BLACAT1: variants seen among roughly 807,000 people sequenced by gnomAD.
BLACAT1 encodes the protein BLACAT1 overlapping LEMD1 locus.
chr1:205,447,472 G>T (rs568098526), intron 1 of BLACAT1, among the ~76,000 whole-genome samples: 1 of 152,062 alleles, frequency 6.6e-6, no homozygotes, highest in Admixed American at 6.5e-5. Context: ...CTGGGGACTG[G>T]AACAGGGAGT....
rs990095940 is a variant in BLACAT1 at position 205,450,066 on chromosome 1, C to G, written c.-37+5851G>C. On this transcript the variant is annotated intron_variant, in intron 1 of 1. Transcript: ENST00000629624. This position sits in a 1 kb window ranked among gnomAD's most constrained non-coding sequence, Gnocchi z 4.4. ...GAGCTGTACCCAACTCAACTTGACT[C>G]ACTTGTGACCGGCCCCTCCCCCAGC... The G allele has an allele frequency of 6.6e-6, 1 of 152,120 alleles. No individual in the cohort carries two copies. Among genetic ancestry groups the G allele is most frequent in the African/African-American group, 2.4e-5 (1 of 41,372 alleles). The allele number at this position is 152,120 out of a possible 1,614,324, so 9.4% of individuals were successfully genotyped here. A position where few individuals can be genotyped will look rare whatever the true frequency, so the allele number is the denominator to read the frequency against.
In BLACAT1 at chr1:205,441,165, A is replaced by G. The variant is rs528481397; in HGVS notation, c.-36-103T>C. The stretch of plus-strand genomic sequence containing the variant: ...AGAACCCTCTGGGTCTGGCCCAGTC[A>G]TTGCCACTCCCTGAGGCGGCCCGCT... On this transcript the variant is annotated intron_variant, in intron 1 of 1. Coordinates refer to ENST00000629624, the Ensembl canonical transcript of BLACAT1. This position sits in a 1 kb window ranked among gnomAD's most constrained non-coding sequence, Gnocchi z 4.3. The G allele has an allele frequency of 6.6e-6, 1 of 152,306 alleles. No individual in the cohort carries two copies. Among genetic ancestry groups the G allele is most frequent in the Admixed American group, 6.5e-5 (1 of 15,302 alleles). The allele number at this position is 152,306 out of a possible 1,614,324, so 9.4% of individuals were successfully genotyped here. A position where few individuals can be genotyped will look rare whatever the true frequency, so the allele number is the denominator to read the frequency against.
At chr1:205,438,461 G>A (rs891449982), downstream of BLACAT1, among the ~76,000 whole-genome samples, 8 of 152,252 alleles carry the variant, frequency 5.3e-5, no homozygotes. Context: ...GAATGCTGGG[G>A]CTGCTTTGGC....
downstream of BLACAT1, chr1:205,435,246 G>A (rs990784642): frequency 1.3e-5 from 2 of 152,186 alleles, no homozygotes; most frequent in South Asian, 2.1e-4. Flanking sequence ...ACTACATAGG[G>A]GTATATAGGT....
rs1666446232 is a variant in BLACAT1 at position 205,448,740 on chromosome 1, A to G, written c.-37+7177T>C. Among the ~76,000 whole-genome samples, 1 of 152,038 alleles carries G rather than the reference A, an allele frequency of 6.6e-6. No individual in the cohort carries two copies. The highest frequency in any genetic ancestry group is 2.1e-4 in the South Asian group (1 of 4,824). On this transcript the variant is annotated intron_variant, in intron 1 of 1. Coordinates refer to ENST00000629624, the Ensembl canonical transcript of BLACAT1. The surrounding 1 kb of genome is among the most constrained non-coding windows in gnomAD (Gnocchi z 4.7). ...CTTAACTACCCCTTCCCTAGAGAAT[A>G]AGGCCGGATCTTTTCAAGGCTGCTG...
In BLACAT1 at chr1:205,448,309, G is replaced by A. The variant is rs918546475; in HGVS notation, c.-36-7247C>T. ...TGCAGCTGCGCAGGAGAAGGAGCTC[G>A]CCCCTCACTGTAGCCCATGGCTTTT... On this transcript the variant is annotated intron_variant, in intron 1 of 1. Coordinates refer to ENST00000629624, the Ensembl canonical transcript of BLACAT1. This position sits in a 1 kb window ranked among gnomAD's most constrained non-coding sequence, Gnocchi z 4.7. 1.9e-6 allele frequency: 1 copy of A among 530,590 alleles called. No individual in the cohort carries two copies. The highest frequency in any genetic ancestry group is 1.9e-5 in the African/African-American group (1 of 51,860). The allele number at this position is 530,590 out of a possible 1,614,324, so 32.9% of individuals were successfully genotyped here.
rs1666443498 is a variant in BLACAT1 at position 205,448,593 on chromosome 1, T to C, written c.-37+7324A>G. On this transcript the variant is annotated intron_variant, in intron 1 of 1. Coordinates refer to ENST00000629624, the Ensembl canonical transcript of BLACAT1. The surrounding 1 kb of genome is among the most constrained non-coding windows in gnomAD (Gnocchi z 4.7). ...GCCATCCCAGTAATGAGTTTCCAGT[T>C]CTTGCCCTACAAAGGCCTCACACAA... Among the ~76,000 whole-genome samples, 1 of 152,152 alleles carries C rather than the reference T, an allele frequency of 6.6e-6. No homozygotes were observed. Among genetic ancestry groups the C allele is most frequent in the East Asian group, 1.9e-4 (1 of 5,184 alleles).
At chr1:205,439,104 C>A (rs1666252992), downstream of BLACAT1, among the ~76,000 whole-genome samples, 1 of 152,164 alleles carries the variant, frequency 6.6e-6, no homozygotes, top group African/African-American at 2.4e-5. Context: ...CACATGCCCT[C>A]CAGGAGGCTC....
chr1:205,455,789 C>A (rs1666555911), intron 1 of BLACAT1, 128 bp downstream of exon 1: 1 of 152,066 alleles, frequency 6.6e-6, no homozygotes, highest in Non-Finnish European at 1.5e-5. Flanking sequence ...CCTTAGGGAC[C>A]CCTCTTCGCC....
intron 1 of BLACAT1, among the ~76,000 whole-genome samples, chr1:205,454,383 C>T (rs769022352): frequency 9.2e-5 from 14 of 151,860 alleles, no homozygotes; most frequent in Non-Finnish European, 1.9e-4. Context: ...ATGGTAGTCC[C>T]CAGCTCTGAG....
At chr1:205,439,552 C>T (rs112124456), downstream of BLACAT1, among the ~76,000 whole-genome samples, 45 of 152,340 alleles carry the variant, frequency 3.0e-4, no homozygotes, top group Middle Eastern at 6.8e-3. Context: ...TTTGCCCTCC[C>T]TAGTTGCCCA....
intron 1 of BLACAT1, among the ~76,000 whole-genome samples, chr1:205,444,031 G>A (rs1666340796): frequency 6.6e-6 from 1 of 152,124 alleles, no homozygotes; most frequent in African/African-American, 2.4e-5. Context: ...CCTGAAGTCA[G>A]GTCCCCTTGC....
intron 1 of BLACAT1, among the ~76,000 whole-genome samples, chr1:205,446,044 G>C (rs1054444532): frequency 6.6e-6 from 1 of 152,198 alleles, no homozygotes; most frequent in Non-Finnish European, 1.5e-5. Flanking sequence ...CTGTAAAAAA[G>C]ACTTAGATTG....
intron 1 of BLACAT1, among the ~76,000 whole-genome samples, chr1:205,446,305 G>A (rs1666387346): frequency 3.3e-5 from 5 of 152,180 alleles, no homozygotes; most frequent in South Asian, 2.1e-4. Flanking sequence ...CCAGCAAAGC[G>A]AGGACTGTCT....
At chr1:205,447,472 G>A (rs568098526) in intron 1 of BLACAT1, among the ~76,000 whole-genome samples, 84 of 152,180 alleles carry the variant, frequency 5.5e-4, no homozygotes, top group African/African-American at 1.9e-3. Context: ...CTGGGGACTG[G>A]AACAGGGAGT....
chr1:205,442,843 G>A (rs1044113123), intron 1 of BLACAT1, among the ~76,000 whole-genome samples: 2 of 152,180 alleles, frequency 1.3e-5, no homozygotes, highest in East Asian at 3.8e-4. Context: ...GACAAACCTA[G>A]AGAGAGACGG....
intron 1 of BLACAT1, among the ~76,000 whole-genome samples, chr1:205,452,177 A>T (rs966518361): frequency 6.6e-6 from 1 of 152,220 alleles, no homozygotes; most frequent in East Asian, 1.9e-4. Context: ...CAGGTCCAGC[A>T]TGAAAACTAA....
At chr1:205,444,291 C>T (rs1332005410) in intron 1 of BLACAT1, among the ~76,000 whole-genome samples, 2 of 152,112 alleles carry the variant, frequency 1.3e-5, no homozygotes, top group Non-Finnish European at 2.9e-5. Flanking sequence ...AGCTGTTGGC[C>T]CTGGCTTCTT....
chr1:205,434,946 G>A (rs1666180990), downstream of BLACAT1: 1 of 152,196 alleles, frequency 6.6e-6, no homozygotes, highest in Admixed American at 6.5e-5. Flanking sequence ...ATGCTTTTCA[G>A]TGGCAACCAG....
Sources: allele counts gnomAD v4.1 joint callset (sites outside exome capture counted in the v4.1 genomes callset), GRCh38; gene constraint gnomAD v4.1.1; non-coding constraint Gnocchi (gnomAD v3.1); transcripts MANE v1.5; gene names NCBI Gene and HGNC (gene_info 2026-07-23, HGNC 2026-07-21).